Variants in SGCD observed in about 807,000 individuals in gnomAD.
SGCD encodes delta-sarcoglycan.
SGCD carries 18 observed loss-of-function variants against 36.6 expected under a neutral mutation model. The observed-to-expected ratio is 0.49, with a 90% CI of 0.34 to 0.73. The LOEUF is 0.73. SGCD is among the 30% of genes least tolerant of loss of function. The pLI, the probability that SGCD is intolerant of heterozygous loss-of-function variation, is 0.01. For synonymous variants in SGCD, 133 were observed against 130.6 expected, an observed-to-expected ratio of 1.02 and a Z score of -0.12; for missense variants, 387 against 346.7, an observed-to-expected ratio of 1.12 and a Z score of -0.92.
intron 6 of SGCD, among the ~76,000 whole-genome samples, chr5:156,635,457 C>G (rs1336335209): frequency 1.3e-5 from 2 of 152,242 alleles, no homozygotes; most frequent in African/African-American, 4.8e-5. Context: ...CTAGTTCAAC[C>G]ATTGTGGAAG....
At position 156,150,327 on chromosome 5, in the gene SGCD, C is replaced by T. The variant is rs933379504; in HGVS notation, c.-44+26308C>T. Among the ~76,000 whole-genome samples the T allele has an allele frequency of 1.6e-4, 25 of 151,620 alleles. 1 individual carries two copies. Among genetic ancestry groups the T allele is most frequent in the African/African-American group, 6.1e-4 (25 of 40,924 alleles). On this transcript the variant is annotated intron_variant, in intron 3 of 9. Transcript: ENST00000517913. ...AAAGTTTTAAATGCCTTCCAAGGCTCAGCTTATGTTTTAACAGACCTTCAT... is the reference window on the plus strand; with the variant it reads ...AAAGTTTTAAATGCCTTCCAAGGCTTAGCTTATGTTTTAACAGACCTTCAT...
upstream of SGCD, among the ~76,000 whole-genome samples, chr5:155,869,997 TCAACAA>T (rs34754949): frequency 4.6e-5 from 7 of 151,030 alleles, no homozygotes; most frequent in East Asian, 2.0e-4. Context: ...AGACTCCGTC[TCAACAA>T]CAACAACAAC....
At chr5:156,406,376 G>T (rs1316718035) in intron 3 of SGCD, among the ~76,000 whole-genome samples, 1 of 151,968 alleles carries the variant, frequency 6.6e-6, no homozygotes, top group Non-Finnish European at 1.5e-5. Context: ...AGCCATCCTT[G>T]TGCACTCTGT....
the SGCD span, among the ~76,000 whole-genome samples, chr5:155,767,567 T>C: frequency 6.6e-6 from 1 of 151,942 alleles, no homozygotes; most frequent in East Asian, 1.9e-4. Context: ...ATTGTTTTTA[T>C]AAAGGGAAGG....
intron 1 of SGCD, among the ~76,000 whole-genome samples, chr5:155,994,547 A>G (rs369615889): frequency 1.3e-5 from 2 of 152,204 alleles, no homozygotes; most frequent in South Asian, 4.1e-4. Context: ...TCTGAGTGGA[A>G]GAAGTTCTCA....
At chr5:156,531,970 C>A (rs896441764) in intron 4 of SGCD, among the ~76,000 whole-genome samples, 1 of 151,962 alleles carries the variant, frequency 6.6e-6, no homozygotes, top group Non-Finnish European at 1.5e-5. Context: ...ATTAGCCGGA[C>A]ATGGTGACAA....
At chr5:156,669,502 C>A (rs1259715632) in intron 7 of SGCD, among the ~76,000 whole-genome samples, 18 of 152,150 alleles carry the variant, frequency 1.2e-4, no homozygotes, top group Admixed American at 1.1e-3. Flanking sequence ...TTTTTCCCCA[C>A]AATCCATAAG....
At chr5:156,672,722 T>C (rs1294647286) in intron 7 of SGCD, among the ~76,000 whole-genome samples, 2 of 152,200 alleles carry the variant, frequency 1.3e-5, no homozygotes, top group Non-Finnish European at 2.9e-5. Flanking sequence ...ATAGCCATTG[T>C]ATGAGTGTTT....
chr5:156,086,002 C>A (rs924183244), intron 1 of SGCD, among the ~76,000 whole-genome samples: 2 of 152,154 alleles, frequency 1.3e-5, no homozygotes, highest in Non-Finnish European at 2.9e-5. Context: ...TAAAAGGATT[C>A]CACCTTTACT....
intron 3 of SGCD, among the ~76,000 whole-genome samples, chr5:156,216,502 A>T (rs986958544): frequency 4.6e-5 from 7 of 152,210 alleles, no homozygotes; most frequent in African/African-American, 1.7e-4. Context: ...TTGTTTATGT[A>T]AGCATCTGTG....
intron 4 of SGCD, among the ~76,000 whole-genome samples, chr5:156,536,222 G>A (rs974966820): frequency 2.0e-5 from 3 of 152,098 alleles, no homozygotes; most frequent in Admixed American, 6.6e-5. Flanking sequence ...ATTCTTATAA[G>A]GTCGTTTATA....
At chr5:156,045,882 A>G (rs959813546) in intron 1 of SGCD, among the ~76,000 whole-genome samples, 1 of 152,144 alleles carries the variant, frequency 6.6e-6, no homozygotes, top group African/African-American at 2.4e-5. Context: ...GGGCATCAAC[A>G]TATGAATATT....
chr5:156,392,921 C>G (rs1053793348), intron 3 of SGCD, among the ~76,000 whole-genome samples: 1 of 152,110 alleles, frequency 6.6e-6, no homozygotes, highest in Non-Finnish European at 1.5e-5. Flanking sequence ...TGTGTGTCTG[C>G]CTGCTTGCTT....
chr5:156,448,001 A>G (rs1167372107), intron 3 of SGCD, among the ~76,000 whole-genome samples: 1 of 152,184 alleles, frequency 6.6e-6, no homozygotes, highest in East Asian at 1.9e-4. Flanking sequence ...AAGTCAAACT[A>G]GTGTTCAAAC....
At chr5:156,433,351 G>A (rs1753104808) in intron 3 of SGCD, among the ~76,000 whole-genome samples, 1 of 152,092 alleles carries the variant, frequency 6.6e-6, no homozygotes. Context: ...CTATTCACAT[G>A]CTCTACTGCC....
chr5:156,672,889 G>C (rs983914986), intron 7 of SGCD, among the ~76,000 whole-genome samples: 6 of 152,200 alleles, frequency 3.9e-5, no homozygotes, highest in Admixed American at 3.9e-4. Flanking sequence ...TGAAGCACTC[G>C]TCTCTACATT....
At chr5:156,361,066 T>G (rs1264324864) in intron 3 of SGCD, among the ~76,000 whole-genome samples, 1 of 152,190 alleles carries the variant, frequency 6.6e-6, no homozygotes, top group Non-Finnish European at 1.5e-5. Flanking sequence ...CTCTGGGGCT[T>G]CGGGGTCATG....
chr5:156,097,111 G>A (rs1245740608), intron 1 of SGCD, among the ~76,000 whole-genome samples: 1 of 151,494 alleles, frequency 6.6e-6, no homozygotes, highest in Non-Finnish European at 1.5e-5. Context: ...ATTTCTCTCT[G>A]GCTGCTTTTA....
At chr5:156,001,374 CA>C (rs1477899505) in intron 1 of SGCD, among the ~76,000 whole-genome samples, 1 of 152,138 alleles carries the variant, frequency 6.6e-6, no homozygotes, top group Non-Finnish European at 1.5e-5. Flanking sequence ...GGCAAAATTT[CA>C]AAATCTTGTC....
Sources: allele counts gnomAD v4.1 joint callset (sites outside exome capture counted in the v4.1 genomes callset), GRCh38; gene constraint gnomAD v4.1.1; transcripts MANE v1.5; gene names NCBI Gene and HGNC (gene_info 2026-07-23, HGNC 2026-07-21).